B3GALNT2: variants seen among roughly 807,000 people sequenced by gnomAD.
The protein encoded by B3GALNT2 is UDP-GalNAc:beta-1,3-N-acetylgalactosaminyltransferase 2.
In B3GALNT2, 53 loss-of-function variants were observed where a neutral mutation model predicts 61.1. That is an observed-to-expected ratio of 0.87 (90% CI 0.70 to 1.09). B3GALNT2 has a LOEUF of 1.09. Ranked by LOEUF, B3GALNT2 falls within the 50% of genes least tolerant of loss-of-function variation. The probability of loss-of-function intolerance (pLI) is 0.00; values close to 1 mark genes in which losing one functional copy is unlikely to be tolerated. For missense variants in B3GALNT2, 544 were observed against 623.0 expected (o/e 0.87, Z 1.35); for synonymous variants, 223 against 237.4 (o/e 0.94, Z 0.56).
intron 3 of B3GALNT2, among the ~76,000 whole-genome samples, chr1:235,487,967 T>C (rs1249605624): frequency 6.6e-6 from 1 of 152,068 alleles, no homozygotes; most frequent in African/African-American, 2.4e-5. Flanking sequence ...GTTTTTTTTT[T>C]CAGACATGGG....
downstream of B3GALNT2, among the ~76,000 whole-genome samples, chr1:235,446,144 C>T (rs1305886898): frequency 2.0e-5 from 3 of 152,062 alleles, no homozygotes; most frequent in Non-Finnish European, 4.4e-5. Context: ...TAAAGAAATA[C>T]AAATGTAGTA....
intron 5 of B3GALNT2, among the ~76,000 whole-genome samples, chr1:235,476,806 T>C (rs1267157065): frequency 6.6e-6 from 1 of 150,846 alleles, no homozygotes; most frequent in East Asian, 1.9e-4. Context: ...GCCAGAATCA[T>C]GCCAGTGCAC....
intron 5 of B3GALNT2, among the ~76,000 whole-genome samples, chr1:235,478,551 T>C (rs1323794085): frequency 6.6e-6 from 1 of 152,216 alleles, no homozygotes; most frequent in African/African-American, 2.4e-5. Context: ...TGTATACCCT[T>C]CGACCCAACA....
At chr1:235,504,032 C>A in intron 1 of B3GALNT2, 109 bp downstream of exon 1, 3 of 1,114,384 alleles carry the variant, frequency 2.7e-6, no homozygotes, top group Non-Finnish European at 3.4e-6. Context: ...GGGACCGTCG[C>A]GTTTGGCCCT....
chr1:235,443,088 C>T (rs1316253100), downstream of B3GALNT2: 2 of 649,762 alleles, frequency 3.1e-6, no homozygotes, highest in Non-Finnish European at 2.6e-6. Context: ...CTCCCCCATG[C>T]CCCCAAAAGT....
chr1:235,443,195 T>TATAC (rs145989548), downstream of B3GALNT2, among the ~76,000 whole-genome samples: 39 of 149,630 alleles, frequency 2.6e-4, no homozygotes, highest in Middle Eastern at 6.8e-3. Flanking sequence ...CATATATATA[T>TATAC]ACACACACAC....
At chr1:235,468,132 A>G (rs953348704) in intron 6 of B3GALNT2, among the ~76,000 whole-genome samples, 1 of 152,168 alleles carries the variant, frequency 6.6e-6, no homozygotes, top group Non-Finnish European at 1.5e-5. Flanking sequence ...TTAGAACTCA[A>G]TAGTAATTTC....
chr1:235,469,234 C>G (rs542938427), intron 6 of B3GALNT2, among the ~76,000 whole-genome samples: 7 of 152,248 alleles, frequency 4.6e-5, no homozygotes, highest in African/African-American at 1.4e-4. Flanking sequence ...TTCATTTCAA[C>G]TCAGAAATTA....
intron 5 of B3GALNT2, among the ~76,000 whole-genome samples, chr1:235,474,586 G>A (rs547750219): frequency 8.5e-4 from 129 of 152,146 alleles, no homozygotes; most frequent in African/African-American, 3.0e-3. Flanking sequence ...TTGGGAGGCC[G>A]AGGTGGGTGG....
chr1:235,455,702 A>G lies in B3GALNT2; in HGVS notation c.1026-18T>C, dbSNP rs376518565. ...CCACAGTCCTGTTGACACAAAAGGG[A>G]TAAGAAAGTCAGTGCGACCAAACAA... On this transcript the variant is annotated intron_variant, in intron 8 of 11. Coordinates refer to ENST00000366600, the MANE Select transcript of B3GALNT2 (RefSeq NM_152490.5). 2 of 1,602,990 alleles carry G rather than the reference A, an allele frequency of 1.2e-6. No homozygotes were observed. The highest frequency in any genetic ancestry group is 1.7e-5 in the Admixed American group (1 of 59,766).
At chr1:235,450,578 G>C in intron 11 of B3GALNT2, 1 of 474,516 alleles carries the variant, frequency 2.1e-6, no homozygotes. Flanking sequence ...TGGATGAAGA[G>C]TTAGTCAACA....
At chr1:235,458,965 C>A (rs929821939) in intron 7 of B3GALNT2, among the ~76,000 whole-genome samples, 179 bp from the exon 8 acceptor site, 3 of 152,136 alleles carry the variant, frequency 2.0e-5, no homozygotes. Flanking sequence ...TAAGTGGATG[C>A]TCCCACTCTG....
chr1:235,485,537 C>T (rs1437046842), intron 3 of B3GALNT2, among the ~76,000 whole-genome samples: 1 of 152,176 alleles, frequency 6.6e-6, no homozygotes, highest in Non-Finnish European at 1.5e-5. Context: ...GAACTGCAAT[C>T]CTCCCGCCTC....
At chr1:235,488,471 CAGGA>C (rs1277579341) in intron 3 of B3GALNT2, among the ~76,000 whole-genome samples, 2 of 150,998 alleles carry the variant, frequency 1.3e-5, no homozygotes, top group Non-Finnish European at 2.9e-5. Flanking sequence ...ATCACAAGGT[CAGGA>C]GTTCGAGGCC....
chr1:235,501,511 T>C (rs1280045361), intron 1 of B3GALNT2, among the ~76,000 whole-genome samples: 3 of 152,246 alleles, frequency 2.0e-5, no homozygotes, highest in Non-Finnish European at 2.9e-5. Flanking sequence ...TTTATAATTA[T>C]TTCCTGATGC....
intron 1 of B3GALNT2, among the ~76,000 whole-genome samples, chr1:235,498,831 T>C (rs1685450252): frequency 1.0e-5 from 1 of 100,198 alleles, no homozygotes; most frequent in South Asian, 4.2e-4. Flanking sequence ...GTGACAGAGC[T>C]AGACTCCTTC....
intron 8 of B3GALNT2, among the ~76,000 whole-genome samples, chr1:235,455,928 A>C (rs1000674758): frequency 6.6e-6 from 1 of 152,254 alleles, no homozygotes. Context: ...AAGAAAGAGC[A>C]TATTGAAGGA....
chr1:235,476,381 C>T (rs973900727), intron 5 of B3GALNT2, among the ~76,000 whole-genome samples: 4 of 150,088 alleles, frequency 2.7e-5, no homozygotes, highest in Admixed American at 6.6e-5. Context: ...ACTGCACTCC[C>T]GCCTGGGTGA....
chr1:235,493,421 T>G (rs905089535), intron 2 of B3GALNT2, among the ~76,000 whole-genome samples: 2 of 152,124 alleles, frequency 1.3e-5, no homozygotes, highest in African/African-American at 4.8e-5. Context: ...AACCATGAAC[T>G]AAAGAAACCT....
Sources: gnomAD v4.1 joint callset for allele counts (sites outside exome capture counted in the v4.1 genomes callset) on GRCh38, gnomAD v4.1.1 for gene constraint, MANE v1.5 for transcripts, NCBI Gene and HGNC (gene_info 2026-07-23, HGNC 2026-07-21) for gene names.